The following PTPRS variants were observed in gnomAD, a reference collection of about 807,000 sequenced individuals.
The protein encoded by PTPRS is protein tyrosine phosphatase receptor type S.
PTPRS carries 63 observed loss-of-function variants against 215.3 expected under a neutral mutation model. The observed-to-expected ratio is 0.29, with a 90% confidence interval of 0.24 to 0.36. PTPRS has a LOEUF of 0.36. PTPRS is among the 10% of genes least tolerant of loss of function. PTPRS has a pLI of 1.00. For missense variants in PTPRS, 2,258 were observed against 2,825.8 expected (o/e 0.80, Z 4.56); for synonymous variants, 1,404 against 1,191.4 (o/e 1.18, Z -3.68).
intron 1 of PTPRS, among the ~76,000 whole-genome samples, chr19:5,306,811 G>A (rs1287988383): frequency 6.6e-6 from 1 of 152,176 alleles, no homozygotes; most frequent in African/African-American, 2.4e-5. Context: ...AAATGAGTAG[G>A]TCCTAATAGT....
chr19:5,210,427 C>T lies in PTPRS; in HGVS notation c.5487+42G>A. 1 of 1,613,200 alleles carries T rather than the reference C, an allele frequency of 6.2e-7. No individual in the cohort carries two copies. Among genetic ancestry groups the T allele is most frequent in the Non-Finnish European group, 8.5e-7 (1 of 1,179,500 alleles). On this transcript the variant is annotated intron_variant, in intron 35 of 37. Transcript: ENST00000262963. This position sits in a 1 kb window ranked among gnomAD's most constrained non-coding sequence, Gnocchi z 4.5. ...AACCAGGGCAGCCCTTTCCAGATCA[C>T]TAAGGCTCCAGCCCCTCCCGCCAGT...
intron 35 of PTPRS, 51 bp from the exon 36 acceptor site, chr19:5,208,442 G>T: frequency 7.0e-7 from 1 of 1,424,086 alleles, no homozygotes; most frequent in Non-Finnish European, 9.4e-7. Flanking sequence ...CGGCCATGGG[G>T]GTTTTTCTCC....
chr19:5,261,295 T>TA (rs2146309016), intron 6 of PTPRS, among the ~76,000 whole-genome samples: 1 of 151,904 alleles, frequency 6.6e-6, no homozygotes, highest in South Asian at 2.1e-4. Flanking sequence ...ATTATCTTGT[T>TA]AGAGACAGGG....
At chr19:5,247,194 T>A (rs975896569) in intron 9 of PTPRS, among the ~76,000 whole-genome samples, 48 of 147,738 alleles carry the variant, frequency 3.2e-4, no homozygotes, top group Non-Finnish European at 6.1e-4. Flanking sequence ...AAATAGTATA[T>A]TAATAATAAT....
At chr19:5,285,139 G>A (rs1180675178) in intron 2 of PTPRS, among the ~76,000 whole-genome samples, 2 of 152,204 alleles carry the variant, frequency 1.3e-5, no homozygotes, top group Non-Finnish European at 2.9e-5. Context: ...CAAGAATGCT[G>A]GATGTGGATA....
chr19:5,256,721 C>A (rs2045581227), intron 8 of PTPRS, among the ~76,000 whole-genome samples: 1 of 152,154 alleles, frequency 6.6e-6, no homozygotes, highest in African/African-American at 2.4e-5. Context: ...CCCCTACCCA[C>A]CACCCGTCCA....
Position 5,288,572 on chromosome 19 carries a change from G to A in PTPRS, c.-94-2338C>T, listed in dbSNP as rs897091204. 5.3e-5 allele frequency among the ~76,000 whole-genome samples: 8 copies of A among 152,308 alleles called. No homozygotes were observed. In the South Asian group the frequency reaches 6.2e-4, roughly 12 times the overall value. On this transcript the variant is annotated intron_variant, in intron 1 of 37. Transcript: ENST00000262963. ...CAGCTGGGGCTAGGGTGACCACAGC[G>A]GCTGGCCCTGCCCAGAAATGCACAT...
intron 1 of PTPRS, among the ~76,000 whole-genome samples, chr19:5,289,392 C>T (rs868589052): frequency 3.3e-5 from 5 of 152,192 alleles, no homozygotes; most frequent in South Asian, 2.1e-4. Flanking sequence ...TCCCAGCTCC[C>T]GCCCTTGTCC....
chr19:5,300,581 G>A (rs2049270495), intron 1 of PTPRS, among the ~76,000 whole-genome samples: 1 of 151,904 alleles, frequency 6.6e-6, no homozygotes. Flanking sequence ...GACCAGCCTG[G>A]GCAATATAGT....
intron 16 of PTPRS, among the ~76,000 whole-genome samples, chr19:5,226,730 CAG>C (rs200289790): frequency 0.04 from 6,094 of 151,884 alleles, 403 homozygotes; most frequent in African/African-American, 0.14. Flanking sequence ...GCCTGGGTGA[CAG>C]AGCAAGACTG....
rs1375792714 is a variant in PTPRS, at chr19:5,293,617, G to A, written c.-94-7383C>T. 1.3e-5 allele frequency among the ~76,000 whole-genome samples: 2 copies of A among 152,124 alleles called. No homozygotes were observed. The highest frequency in any genetic ancestry group is 2.9e-5 in the Non-Finnish European group (2 of 68,002). On this transcript the variant is annotated intron_variant, in intron 1 of 37. Coordinates refer to ENST00000262963, the MANE Select transcript of PTPRS (RefSeq NM_002850.4). The surrounding 1 kb of genome is among the most constrained non-coding windows in gnomAD (Gnocchi z 8.4). ...CTGGATGCCGGACAGGGCGGCGGAGGGCTCCCCAAACACACCCAACTACAG... is the reference window on the plus strand; with the variant it reads ...CTGGATGCCGGACAGGGCGGCGGAGAGCTCCCCAAACACACCCAACTACAG...
chr19:5,337,903 G>A (rs1242206738), intron 1 of PTPRS, among the ~76,000 whole-genome samples: 1 of 152,140 alleles, frequency 6.6e-6, no homozygotes, highest in East Asian at 1.9e-4. Context: ...GGTATAAGGA[G>A]TGATTTTTTT....
chr19:5,228,361 A>AAAAAAAAAAAAAAAAAAAAG (rs1555757601), intron 16 of PTPRS, among the ~76,000 whole-genome samples: 7 of 143,966 alleles, frequency 4.9e-5, no homozygotes, highest in African/African-American at 1.9e-4. Context: ...AAAAAAAAAA[A>AAAAAAAAAAAAAAAAAAAAG]AAGAGACAGG....
intron 23 of PTPRS, 78 bp downstream of exon 23, chr19:5,219,232 C>A (rs2041760075): frequency 1.3e-6 from 2 of 1,566,146 alleles, no homozygotes; most frequent in Non-Finnish European, 8.8e-7. Context: ...AGTGATGATT[C>A]TCTGAGACAA....
intron 13 of PTPRS, among the ~76,000 whole-genome samples, chr19:5,238,657 TCTC>T (rs2043698040): frequency 6.6e-6 from 1 of 151,930 alleles, no homozygotes; most frequent in African/African-American, 2.4e-5. Context: ...ATCAGCCACT[TCTC>T]CTTGACCCCA....
chr19:5,271,373 T>A (rs377224162), intron 4 of PTPRS, among the ~76,000 whole-genome samples: 1 of 151,664 alleles, frequency 6.6e-6, no homozygotes, highest in Admixed American at 6.6e-5. Flanking sequence ...CCCCTTGTGG[T>A]GAGAACCATT....
At chr19:5,249,311 C>CAAAT (rs926767240) in intron 9 of PTPRS, among the ~76,000 whole-genome samples, 20 of 152,162 alleles carry the variant, frequency 1.3e-4, no homozygotes, top group African/African-American at 4.3e-4. Context: ...ACTCCATCTC[C>CAAAT]AAATAAATAA....
intron 16 of PTPRS, among the ~76,000 whole-genome samples, chr19:5,228,362 A>AAAAAAAAAAAAG (rs1383962696): frequency 2.7e-5 from 4 of 147,826 alleles, no homozygotes. Flanking sequence ...AAAAAAAAAA[A>AAAAAAAAAAAAG]AGAGACAGGG....
rs770983463 is a variant in PTPRS at position 5,212,048 on chromosome 19, C to T, written c.4972G>A (p.Ala1658Thr). ...TGGATGTAGGCATAGAGGCTGCGTG[C>T]GGGCACTTCTGTGTTGCCACAGCCC... The part of the protein sequence containing the change: ...AVGCGNTEVP[A>T]RSLYAYIQKL... Residue 1658 changes from alanine to threonine, a missense_variant, in exon 32 of 38, where the codon GCA becomes ACA. Physicochemically the swap from Ala to Thr is moderately conservative, Grantham distance 58. Coordinates refer to ENST00000262963, the MANE Select transcript of PTPRS (RefSeq NM_002850.4). The T allele has an allele frequency of 1.3e-5, 21 of 1,613,846 alleles. No homozygotes were observed. The highest frequency in any genetic ancestry group is 1.8e-5 in the Non-Finnish European group (21 of 1,180,052).
Sources: gnomAD v4.1 joint callset for allele counts (sites outside exome capture counted in the v4.1 genomes callset) on GRCh38, gnomAD v4.1.1 for gene constraint, Gnocchi (gnomAD v3.1) non-coding constraint, MANE v1.5 for transcripts, NCBI Gene and HGNC (gene_info 2026-07-23, HGNC 2026-07-21) for gene names.